Variants in WDFY4 observed in about 807,000 individuals in gnomAD.
The protein encoded by WDFY4 is WDFY family member 4.
A neutral mutation model predicts 351.9 loss-of-function variants in WDFY4; 169 were observed. The observed-to-expected ratio is 0.48, with a 90% CI of 0.42 to 0.55. The LOEUF is 0.55. WDFY4 is among the 20% of genes least tolerant of loss of function. The pLI is 0.00. For missense variants in WDFY4, 3,803 were observed against 3,935.6 expected, an observed-to-expected ratio of 0.97 and a Z score of 0.90; for synonymous variants, 1,622 against 1,574.6, an observed-to-expected ratio of 1.03 and a Z score of -0.71.
At chr10:48,696,209 T>G (rs576059364) in intron 1 of WDFY4, among the ~76,000 whole-genome samples, 1 of 152,262 alleles carries the variant, frequency 6.6e-6, no homozygotes, top group Admixed American at 6.5e-5. Flanking sequence ...CGCTGACTGG[T>G]GATGTCTAGG....
intron 11 of WDFY4, chr10:48,736,374 A>G (rs1264501909): frequency 1.2e-5 from 7 of 585,260 alleles, no homozygotes; most frequent in Admixed American, 9.2e-5. Flanking sequence ...GGGGAACTGC[A>G]TAAGGCATTT....
At chr10:48,885,264 A>G (rs2070408286) in intron 43 of WDFY4, among the ~76,000 whole-genome samples, 1 of 152,224 alleles carries the variant, frequency 6.6e-6, no homozygotes, top group African/African-American at 2.4e-5. Context: ...GGTGATTCTC[A>G]TACATACTAA....
At chr10:48,848,928 C>T (rs538315056) in intron 39 of WDFY4, among the ~76,000 whole-genome samples, 2 of 152,328 alleles carry the variant, frequency 1.3e-5, no homozygotes, top group Admixed American at 1.3e-4. Context: ...AGCTCTGGTG[C>T]AGGACAGGTG....
intron 51 of WDFY4, 134 bp from the exon 52 acceptor site, chr10:48,956,995 G>A: frequency 1.7e-6 from 2 of 1,200,886 alleles, no homozygotes; most frequent in Non-Finnish European, 2.3e-6. Context: ...GGGCTGATGG[G>A]TACACGTGTG....
intron 47 of WDFY4, among the ~76,000 whole-genome samples, chr10:48,934,416 C>A (rs565535002): frequency 6.6e-6 from 1 of 152,300 alleles, no homozygotes; most frequent in South Asian, 2.1e-4. Flanking sequence ...GGGGATACAG[C>A]AATTGAGGCT....
At chr10:48,833,023 C>T (rs929815024) in intron 39 of WDFY4, among the ~76,000 whole-genome samples, 4 of 143,516 alleles carry the variant, frequency 2.8e-5, no homozygotes, top group African/African-American at 7.4e-5. Flanking sequence ...CAGGGTTGGG[C>T]CACTTTGACT....
In WDFY4 at chr10:48,743,346, A is replaced by G; in HGVS notation, c.2257A>G (p.Ser753Gly). 1 of 1,551,606 alleles carries G rather than the reference A, an allele frequency of 6.4e-7. No homozygotes were observed. Among genetic ancestry groups the G allele is most frequent in the Non-Finnish European group, 8.7e-7 (1 of 1,146,958 alleles). Residue 753 changes from serine (S) to glycine (G), a missense_variant, in exon 12 of 62, where the codon AGC (serine) becomes GGC (glycine). Physicochemically the swap from Ser to Gly is moderately conservative, Grantham distance 56. Transcript: ENST00000325239. Reference protein sequence around the residue: ...ADLLGTAFSSSGSLPPRIQSC... With the variant: ...ADLLGTAFSSGGSLPPRIQSC... ...TTTGCTGGGCACTGCCTTTTCCTCCAGCGGCTCACTCCCACCCCGGATACA... is the reference window on the plus strand; with the variant it reads ...TTTGCTGGGCACTGCCTTTTCCTCCGGCGGCTCACTCCCACCCCGGATACA...
rs2067897951 is a variant in WDFY4, at chr10:48,823,501, C to T, written c.5982+964C>T. ...CACAGACCTCAGGACTGGGCCTCTTCACAGTTTCTAGAGCCATCTTCACTT... is the reference window on the plus strand; with the variant it reads ...CACAGACCTCAGGACTGGGCCTCTTTACAGTTTCTAGAGCCATCTTCACTT... On this transcript the variant is annotated intron_variant, in intron 35 of 61. Transcript: ENST00000325239. The T allele has an allele frequency of 3.4e-5, 39 of 1,151,538 alleles. 1 individual carries two copies. In the South Asian group the frequency reaches 7.1e-4, roughly 21 times the overall value. 71.3% of individuals were successfully genotyped at this position (1,151,538 alleles called of 1,614,324 possible).
At chr10:48,820,137 G>T in intron 32 of WDFY4, 97 bp from the exon 33 acceptor site, 1 of 1,333,594 alleles carries the variant, frequency 7.5e-7, no homozygotes, top group Non-Finnish European at 1.0e-6. Flanking sequence ...CATGTCACTG[G>T]GCATGACAAT....
At chr10:48,934,936 T>A (rs1396481923) in intron 47 of WDFY4, among the ~76,000 whole-genome samples, 1 of 152,190 alleles carries the variant, frequency 6.6e-6, no homozygotes, top group African/African-American at 2.4e-5. Context: ...CCCCCGAGGA[T>A]GCCCACTGTG....
intron 58 of WDFY4, chr10:48,976,596 A>G (rs970214016): frequency 1.5e-5 from 6 of 405,078 alleles, no homozygotes; most frequent in Non-Finnish European, 2.1e-5. Flanking sequence ...TGACTGCAGT[A>G]TGAAAAGAAC....
At chr10:48,868,997 T>G (rs553246841) in intron 40 of WDFY4, among the ~76,000 whole-genome samples, 1 of 152,348 alleles carries the variant, frequency 6.6e-6, no homozygotes, top group South Asian at 2.1e-4. Flanking sequence ...GAGAAAGTTG[T>G]GCAATTTTCC....
At chr10:48,703,324 G>A (rs1250300209) in intron 1 of WDFY4, among the ~76,000 whole-genome samples, 2 of 152,148 alleles carry the variant, frequency 1.3e-5, no homozygotes, top group Admixed American at 6.5e-5. Context: ...CCATGCATGC[G>A]AAGCCACTAT....
intron 24 of WDFY4, 38 bp downstream of exon 24, chr10:48,796,488 G>A (rs1005569516): frequency 6.5e-7 from 1 of 1,537,114 alleles, no homozygotes; most frequent in Non-Finnish European, 8.8e-7. Flanking sequence ...TCAGGAGTGT[G>A]TGTGATGGTA....
At chr10:48,823,061 C>T in intron 35 of WDFY4, 2 of 1,135,732 alleles carry the variant, frequency 1.8e-6, no homozygotes, top group Non-Finnish European at 2.3e-6. Context: ...CCTACCTGTA[C>T]AAATGCATAC....
Position 48,789,882 on chromosome 10 carries a change from T to A in WDFY4, c.3963T>A (p.Ile1321=). 3.9e-6 allele frequency: 6 copies of A among 1,552,444 alleles called. No individual in the cohort carries two copies. Among genetic ancestry groups the A allele is most frequent in the Non-Finnish European group, 5.2e-6 (6 of 1,147,156 alleles). Residue 1321 remains isoleucine, a synonymous_variant, in exon 22 of 62, where the codon ATT becomes ATA. Transcript: ENST00000325239. ...GCTGCTCATTTCTCTAGATGAACAT[T>A]TCATCCCGTGACAATGCCATGCCCG... ...DSRLIAKEMN[I]SSRDNAMPVF...
At chr10:48,749,544 T>C (rs2065117255) in intron 12 of WDFY4, among the ~76,000 whole-genome samples, 1 of 151,884 alleles carries the variant, frequency 6.6e-6, no homozygotes, top group Admixed American at 6.6e-5. Context: ...ATACTACATA[T>C]CCACACTACA....
chr10:48,700,921 A>G (rs2063462468), intron 1 of WDFY4, among the ~76,000 whole-genome samples: 1 of 152,238 alleles, frequency 6.6e-6, no homozygotes, highest in Admixed American at 6.5e-5. Context: ...CACAATCTAT[A>G]AGTAACATAA....
intron 49 of WDFY4, 123 bp from the exon 50 acceptor site, chr10:48,945,917 A>G (rs1841019521): frequency 1.8e-5 from 11 of 619,334 alleles, no homozygotes; most frequent in Non-Finnish European, 2.9e-5. Context: ...CCAGCTAACC[A>G]CCAGAGGCAG....
Sources: allele counts gnomAD v4.1 joint callset (sites outside exome capture counted in the v4.1 genomes callset), GRCh38; gene constraint gnomAD v4.1.1; transcripts MANE v1.5; gene names NCBI Gene and HGNC (gene_info 2026-07-23, HGNC 2026-07-21).